Variants in GPHN observed in about 807,000 individuals in gnomAD.
GPHN encodes the protein gephyrin.
In GPHN, 17 loss-of-function variants were observed where a neutral mutation model predicts 95.5. The ratio of observed to expected loss-of-function variants is 0.18; its 90% CI spans 0.12 to 0.27. The LOEUF (loss-of-function observed/expected upper bound fraction) is 0.27. GPHN is among the 10% of genes least tolerant of loss of function. The pLI, the probability that GPHN is intolerant of heterozygous loss-of-function variation, is 1.00. For missense variants in GPHN, 660 were observed against 978.1 expected (o/e 0.67, Z 4.34); for synonymous variants, 320 against 322.5 (o/e 0.99, Z 0.08).
chr14:67,614,273 G>T, the GPHN span, among the ~76,000 whole-genome samples: 1 of 152,144 alleles, frequency 6.6e-6, no homozygotes, highest in South Asian at 2.1e-4. Context: ...TGCTATAGGA[G>T]TGGTGGCTGT....
intron 3 of GPHN, among the ~76,000 whole-genome samples, chr14:66,814,983 C>G (rs2060907625): frequency 1.3e-5 from 2 of 152,034 alleles, no homozygotes; most frequent in Admixed American, 6.6e-5. Flanking sequence ...CATGATAGAG[C>G]TGAAAAACAC....
intron 8 of GPHN, among the ~76,000 whole-genome samples, chr14:66,942,484 T>A (rs2153573626): frequency 6.6e-6 from 1 of 152,288 alleles, no homozygotes; most frequent in East Asian, 1.9e-4. Flanking sequence ...TTGAAAAGGA[T>A]CAAAACAAAA....
the GPHN span, among the ~76,000 whole-genome samples, chr14:67,344,354 A>G: frequency 6.6e-6 from 1 of 152,266 alleles, no homozygotes; most frequent in African/African-American, 2.4e-5. Flanking sequence ...ATAAACCTTT[A>G]TCAAATCATT....
chr14:66,778,320 G>C (rs887719976), intron 3 of GPHN, among the ~76,000 whole-genome samples: 1 of 152,050 alleles, frequency 6.6e-6, no homozygotes, highest in Non-Finnish European at 1.5e-5. Flanking sequence ...CAGTGAAATA[G>C]TAACAGTCTT....
intron 3 of GPHN, among the ~76,000 whole-genome samples, chr14:66,793,893 A>G (rs975261591): frequency 1.3e-5 from 2 of 152,188 alleles, no homozygotes; most frequent in Non-Finnish European, 2.9e-5. Context: ...ACATATAGAA[A>G]ACATAGAGAA....
intron 1 of GPHN, among the ~76,000 whole-genome samples, chr14:66,662,777 C>T (rs188988386): frequency 3.9e-5 from 6 of 152,286 alleles, no homozygotes; most frequent in East Asian, 1.9e-4. Flanking sequence ...TGGAGAATAA[C>T]GTAAGCAACC....
At chr14:67,579,204 G>A in the GPHN span, 1 of 1,611,466 alleles carries the variant, frequency 6.2e-7, no homozygotes, top group East Asian at 2.2e-5. Context: ...CGGGGAGCGG[G>A]AAGCCAGGCC....
chr14:66,546,037 C>T (rs1340671790), intron 1 of GPHN, among the ~76,000 whole-genome samples: 2 of 151,034 alleles, frequency 1.3e-5, no homozygotes, highest in African/African-American at 4.9e-5. Context: ...CAGAGACGCT[C>T]CTCACCTCCC....
chr14:66,678,623 A>C (rs898624551), intron 1 of GPHN, among the ~76,000 whole-genome samples: 3 of 141,850 alleles, frequency 2.1e-5, no homozygotes. Flanking sequence ...TTGTGTTTCT[A>C]TGGCAGTGTC....
intron 13 of GPHN, among the ~76,000 whole-genome samples, 192 bp downstream of exon 13, chr14:67,101,103 A>G (rs996319220): frequency 2.0e-5 from 3 of 152,320 alleles, no homozygotes; most frequent in African/African-American, 7.2e-5. Context: ...TACATCTATT[A>G]ATATATGTCA....
At chr14:67,460,647 T>A in the GPHN span, among the ~76,000 whole-genome samples, 9,861 of 152,212 alleles carry the variant, frequency 0.065, 443 homozygotes, top group African/African-American at 0.13. Flanking sequence ...GAGGTTGTGG[T>A]GAGCCAAGAT....
chr14:66,872,779 C>T (rs895083654), intron 4 of GPHN, among the ~76,000 whole-genome samples: 1 of 151,726 alleles, frequency 6.6e-6, no homozygotes, highest in Non-Finnish European at 1.5e-5. Flanking sequence ...CCTGTAATCA[C>T]AGCTACTCGG....
intron 10 of GPHN, among the ~76,000 whole-genome samples, chr14:67,044,856 G>GTC (rs1220292500): frequency 3.3e-5 from 5 of 150,230 alleles, no homozygotes; most frequent in Admixed American, 6.6e-5. Flanking sequence ...GTCTGTCTCT[G>GTC]TCTCTCTCTC....
chr14:66,900,793 C>T (rs2065089981), intron 5 of GPHN, among the ~76,000 whole-genome samples: 1 of 151,948 alleles, frequency 6.6e-6, no homozygotes, highest in Non-Finnish European at 1.5e-5. Flanking sequence ...TGTATGTTCA[C>T]TGGTACTTAG....
intron 4 of GPHN, among the ~76,000 whole-genome samples, chr14:66,845,510 T>A (rs1038770388): frequency 9.2e-5 from 14 of 152,068 alleles, no homozygotes; most frequent in African/African-American, 3.4e-4. Flanking sequence ...TTTAAAAAAA[T>A]AACCAACTTA....
chr14:67,105,190 TG>T (rs1485588220), intron 13 of GPHN, among the ~76,000 whole-genome samples: 3 of 152,140 alleles, frequency 2.0e-5, no homozygotes, highest in Admixed American at 6.5e-5. Flanking sequence ...CCATTGTGGT[TG>T]GAAAAAAATT....
intron 10 of GPHN, among the ~76,000 whole-genome samples, chr14:67,041,652 A>T (rs2074712765): frequency 6.6e-6 from 1 of 152,138 alleles, no homozygotes; most frequent in Non-Finnish European, 1.5e-5. Flanking sequence ...AGTCTTTGCT[A>T]TTGTGAATAG....
chr14:66,687,485 G>GTTTTTTTTT (rs1468240848), intron 2 of GPHN, among the ~76,000 whole-genome samples: 1 of 143,748 alleles, frequency 7.0e-6, no homozygotes. Context: ...TATTTTATTT[G>GTTTTTTTTT]GTTTTTTTTT....
intron 2 of GPHN, among the ~76,000 whole-genome samples, chr14:66,745,211 A>G (rs2058093059): frequency 6.6e-6 from 1 of 152,140 alleles, no homozygotes; most frequent in Non-Finnish European, 1.5e-5. Flanking sequence ...TGTTGGGACA[A>G]CAGTATAATG....
Sources: allele counts gnomAD v4.1 joint callset (sites outside exome capture counted in the v4.1 genomes callset), GRCh38; gene constraint gnomAD v4.1.1; transcripts MANE v1.5; gene names NCBI Gene and HGNC (gene_info 2026-07-23, HGNC 2026-07-21).